The following ANO10 variants were observed in gnomAD, a reference collection of about 807,000 sequenced individuals.
The protein encoded by ANO10 is anoctamin 10.
ANO10 carries 77 observed loss-of-function variants against 74.7 expected under a neutral mutation model. The observed-to-expected ratio is 1.03, with a 90% confidence interval of 0.86 to 1.25. The LOEUF (loss-of-function observed/expected upper bound fraction) is 1.25, where lower values mean the gene tolerates loss of function less well. ANO10 is among the 50% of genes most tolerant of loss of function. The pLI is 0.00. For synonymous variants in ANO10, 279 were observed against 284.9 expected (o/e 0.98, Z 0.21); for missense variants, 721 against 778.1 (o/e 0.93, Z 0.87).
chr3:43,488,928 C>T (rs1005601598), intron 11 of ANO10, among the ~76,000 whole-genome samples: 2 of 151,476 alleles, frequency 1.3e-5, no homozygotes, highest in Non-Finnish European at 2.9e-5. Context: ...GCCAAATGTC[C>T]AACAATGATA....
At chr3:43,688,930 G>A (rs2084312068) in intron 1 of ANO10, among the ~76,000 whole-genome samples, 1 of 152,122 alleles carries the variant, frequency 6.6e-6, no homozygotes, top group Admixed American at 6.5e-5. Context: ...CTATACAGGT[G>A]CTGGTATCAG....
chr3:43,635,662 C>T (rs9826275), intron 1 of ANO10, among the ~76,000 whole-genome samples: 3 of 150,376 alleles, frequency 2.0e-5, no homozygotes, highest in Non-Finnish European at 4.4e-5. Flanking sequence ...GCTCTTTTAC[C>T]AGACTGGAGT....
chr3:43,390,842 T>C (rs1033877233), intron 12 of ANO10, among the ~76,000 whole-genome samples: 1 of 152,242 alleles, frequency 6.6e-6, no homozygotes, highest in Non-Finnish European at 1.5e-5. Flanking sequence ...AGTGTGTTCC[T>C]AACCTTGCTG....
chr3:43,387,297 G>A (rs149652380), intron 12 of ANO10, among the ~76,000 whole-genome samples: 7 of 152,282 alleles, frequency 4.6e-5, no homozygotes, highest in African/African-American at 9.6e-5. Flanking sequence ...TGACCAAAAC[G>A]TCGTCACACA....
chr3:43,464,390 C>A lies in ANO10; in HGVS notation c.1798-31663G>T, dbSNP rs563226467. 2.0e-5 allele frequency among the ~76,000 whole-genome samples: 3 copies of A among 152,234 alleles called. No individual in the cohort carries two copies. The South Asian group carries it at 6.2e-4, about 32-fold the overall frequency. ...CCAAGTGGGATATATTTCAGAAATGCAAAGTTGGGCTAGGCTTGGTGGCTC... is the reference window on the plus strand; with the variant it reads ...CCAAGTGGGATATATTTCAGAAATGAAAAGTTGGGCTAGGCTTGGTGGCTC... On this transcript the variant is annotated intron_variant, in intron 11 of 12. Transcript: ENST00000292246.
chr3:43,439,844 T>C (rs1238362800), intron 11 of ANO10, among the ~76,000 whole-genome samples: 4 of 152,120 alleles, frequency 2.6e-5, no homozygotes, highest in Non-Finnish European at 5.9e-5. Flanking sequence ...ATTGTGCCGC[T>C]CCATTCCAGC....
intron 12 of ANO10, among the ~76,000 whole-genome samples, chr3:43,420,222 G>C (rs1299286165): frequency 1.3e-5 from 2 of 152,204 alleles, no homozygotes; most frequent in Non-Finnish European, 2.9e-5. Context: ...GAGGAGGGTG[G>C]ATTGCTTGAG....
chr3:43,566,077 C>T (rs377369437), intron 7 of ANO10, among the ~76,000 whole-genome samples: 2 of 152,110 alleles, frequency 1.3e-5, no homozygotes, highest in Admixed American at 6.5e-5. Context: ...GGGTGACGGA[C>T]GGCACCTGGA....
chr3:43,614,771 C>CTATATA (rs61084802), intron 1 of ANO10, among the ~76,000 whole-genome samples: 1,340 of 52,620 alleles, frequency 0.025, 69 homozygotes, highest in African/African-American at 0.055. Context: ...GAAAACTAAA[C>CTATATA]TATATATATA....
At chr3:43,484,573 A>G (rs977349556) in intron 11 of ANO10, among the ~76,000 whole-genome samples, 10 of 152,200 alleles carry the variant, frequency 6.6e-5, no homozygotes, top group African/African-American at 2.4e-4. Context: ...GTGATGCTAC[A>G]CCAGAATCAG....
intron 11 of ANO10, among the ~76,000 whole-genome samples, chr3:43,468,214 C>G (rs2075709110): frequency 1.3e-5 from 2 of 152,022 alleles, no homozygotes; most frequent in South Asian, 4.2e-4. Flanking sequence ...GTGGGTAATC[C>G]TTAAGGATTT....
At chr3:43,461,509 C>G (rs930558794) in intron 11 of ANO10, among the ~76,000 whole-genome samples, 2 of 152,254 alleles carry the variant, frequency 1.3e-5, no homozygotes, top group African/African-American at 4.8e-5. Context: ...CTGGGAGGGA[C>G]CCAGTGGGAG....
intron 1 of ANO10, among the ~76,000 whole-genome samples, chr3:43,671,607 TTAGTA>T (rs1315548722): frequency 6.6e-6 from 1 of 152,164 alleles, no homozygotes; most frequent in Non-Finnish European, 1.5e-5. Context: ...ATGAAACAGT[TTAGTA>T]TAACTACAGG....
intron 12 of ANO10, among the ~76,000 whole-genome samples, chr3:43,431,149 T>C (rs2092974684): frequency 6.6e-6 from 1 of 151,974 alleles, no homozygotes; most frequent in African/African-American, 2.4e-5. Flanking sequence ...CATGGCTCAT[T>C]ACAGCCTTGA....
intron 11 of ANO10, among the ~76,000 whole-genome samples, chr3:43,461,340 CCTCT>C (rs1486389137): frequency 6.6e-6 from 1 of 152,150 alleles, no homozygotes; most frequent in African/African-American, 2.4e-5. Context: ...TGAATAGCTC[CCTCT>C]ATCTATTAAA....
chr3:43,443,679 C>CCTTTTTT (rs373424427), intron 11 of ANO10, among the ~76,000 whole-genome samples: 6 of 122,034 alleles, frequency 4.9e-5, no homozygotes, highest in Admixed American at 9.0e-5. Context: ...TTCCTTCCTT[C>CCTTTTTT]TTTTTTTTTT....
intron 11 of ANO10, among the ~76,000 whole-genome samples, chr3:43,525,291 T>TC (rs1190733894): frequency 6.6e-6 from 1 of 152,074 alleles, no homozygotes; most frequent in Non-Finnish European, 1.5e-5. Flanking sequence ...AAGCATTCCC[T>TC]CCACAGTCCC....
chr3:43,457,628 A>T (rs1049664290), intron 11 of ANO10, among the ~76,000 whole-genome samples: 4 of 152,182 alleles, frequency 2.6e-5, no homozygotes, highest in African/African-American at 9.7e-5. Flanking sequence ...GGGAATTACA[A>T]TTCAAGATGA....
At chr3:43,512,979 G>C (rs1291402398) in intron 11 of ANO10, among the ~76,000 whole-genome samples, 1 of 152,188 alleles carries the variant, frequency 6.6e-6, no homozygotes, top group African/African-American at 2.4e-5. Context: ...TCTGAGTCAT[G>C]ATGAGAATCC....
Sources: gnomAD v4.1 joint callset for allele counts (sites outside exome capture counted in the v4.1 genomes callset) on GRCh38, gnomAD v4.1.1 for gene constraint, MANE v1.5 for transcripts, NCBI Gene and HGNC (gene_info 2026-07-23, HGNC 2026-07-21) for gene names.